Variants in KRT17 observed in about 807,000 individuals in gnomAD.
KRT17 encodes keratin 17.
A neutral mutation model predicts 45.6 loss-of-function variants in KRT17; 29 were observed. The observed-to-expected ratio is 0.64, with a 90% CI of 0.47 to 0.87. The LOEUF is 0.87. Ranked by LOEUF, KRT17 falls within the 40% of genes least tolerant of loss-of-function variation. KRT17 has a pLI of 0.00. For missense variants in KRT17, 536 were observed against 577.8 expected (o/e 0.93, Z 0.74); for synonymous variants, 219 against 234.6 (o/e 0.93, Z 0.61).
intron 7 of KRT17, 31 bp downstream of exon 7, chr17:41,620,504 AC>A: frequency 6.2e-7 from 1 of 1,610,290 alleles, no homozygotes; most frequent in East Asian, 2.2e-5. Context: ...CATGCACCCA[AC>A]CCCCAGGGCC....
In KRT17 at chr17:41,619,635, C is replaced by T. The variant is rs1908469681; in HGVS notation, c.1258G>A (p.Val420Ile). 1.9e-6 allele frequency: 3 copies of T among 1,612,208 alleles called. No homozygotes were observed. Among genetic ancestry groups the T allele is most frequent in the Non-Finnish European group, 2.5e-6 (3 of 1,180,010 alleles). ...TGGACCTGCTCGCGGGAGGAGATGA[C>T]CTTGCCATCCTGGACCTCTTCCACA... ...TIVEEVQDGK[V>I]ISSREQVHQT... The change falls in exon 8 of 8, where the codon GTC (valine) becomes ATC (isoleucine). Residue 420 changes from valine to isoleucine, a missense_variant. By Grantham distance (29) the Val-to-Ile change is conservative. Transcript: ENST00000311208.
Position 41,620,976 on chromosome 17 carries a change from T to C in KRT17, c.950A>G (p.Gln317Arg). 6.2e-7 allele frequency: 1 copy of C among 1,614,184 alleles called. No individual in the cohort carries two copies. The highest frequency in any genetic ancestry group is 2.2e-5 in the East Asian group (1 of 44,870). Residue 317 changes from glutamine (Q) to arginine (R), a missense_variant, in exon 5 of 8, where the codon CAG becomes CGG. Coordinates refer to ENST00000311208, the MANE Select transcript of KRT17 (RefSeq NM_000422.3). The part of the protein sequence containing the change: ...MQALEIELQS[Q>R]LSMKASLEGN... ...CAGGACTGTTCCTACCATGCTGAGCTGGGACTGCAGCTCTATCTCCAAGGC... is the reference window on the plus strand; with the variant it reads ...CAGGACTGTTCCTACCATGCTGAGCCGGGACTGCAGCTCTATCTCCAAGGC...
rs1340008611 is a variant in KRT17, at chr17:41,623,024, T to C, written c.441A>G (p.Thr147=). 1 of 1,613,018 alleles carries C rather than the reference T, an allele frequency of 6.2e-7. No individual in the cohort carries two copies. Among genetic ancestry groups the C allele is most frequent in the Non-Finnish European group, 8.5e-7 (1 of 1,179,402 alleles). ...TIEELQNKIL[T]ATVDNANILL... ...GGATGTTGGCATTGTCCACGGTGGC[T>C]GTGAGGATCTGAGGAGAAGGGAGAG... The change falls in exon 2 of 8, where the codon ACA becomes ACG. Residue 147 remains threonine (T), a synonymous_variant. Coordinates refer to ENST00000311208, the MANE Select transcript of KRT17 (RefSeq NM_000422.3).
intron 3 of KRT17, chr17:41,622,046 G>T: frequency 5.0e-6 from 3 of 595,400 alleles, no homozygotes; most frequent in Admixed American, 3.0e-5. Flanking sequence ...GTTCAGCTTT[G>T]AGAGTTTGAA....
intron 1 of KRT17, among the ~76,000 whole-genome samples, chr17:41,623,574 C>G (rs1226179425): frequency 6.6e-6 from 1 of 152,170 alleles, no homozygotes; most frequent in Non-Finnish European, 1.5e-5. Flanking sequence ...AAAGGAGAAG[C>G]CAGAAAAATC....
At position 41,621,100 on chromosome 17, in the gene KRT17, A is replaced by C. The variant is rs1438011571; in HGVS notation, c.835-9T>G. 18 of 1,613,724 alleles carry C rather than the reference A, an allele frequency of 1.1e-5. No individual in the cohort carries two copies. Among genetic ancestry groups the C allele is most frequent in the Non-Finnish European group, 1.5e-5 (18 of 1,179,874 alleles). ...CGGTTCAGTTCCTCTGTCTGCAGAC[A>C]GGACACAGGACAGGGCGGTGTGAGC... On this transcript the variant is annotated splice_polypyrimidine_tract_variant and intron_variant, in intron 4 of 7. Transcript: ENST00000311208.
At chr17:41,623,930 C>T (rs1908633231) in intron 1 of KRT17, 148 bp downstream of exon 1, 7 of 1,193,058 alleles carry the variant, frequency 5.9e-6, no homozygotes, top group Non-Finnish European at 8.6e-6. Flanking sequence ...CACAGGGGCC[C>T]CAAGGCAGGT....
At position 41,619,576 on chromosome 17, in the gene KRT17, G is replaced by T; in HGVS notation, c.*18C>A. ...TGCCTCCCTGCCTCCTGGGTGGCCG[G>T]CCGGGGTAGCTGAGTCCTCAGCGGG... is the stretch of plus-strand genomic sequence containing the variant. On this transcript the variant is annotated 3_prime_UTR_variant, in exon 8 of 8. Transcript: ENST00000311208. The T allele has an allele frequency of 6.2e-7, 1 of 1,611,984 alleles. No individual in the cohort carries two copies. The highest frequency in any genetic ancestry group is 8.5e-7 in the Non-Finnish European group (1 of 1,179,912).
Position 41,619,491 on chromosome 17 carries a change from G to T in KRT17, c.*103C>A. 6.3e-7 allele frequency: 1 copy of T among 1,598,060 alleles called. No individual in the cohort carries two copies. Among genetic ancestry groups the T allele is most frequent in the Non-Finnish European group, 8.5e-7 (1 of 1,169,862 alleles). ...TCATCAGGCAAGGAAGCATGGGGAA[G>T]GGACTGAAGCAGGGGGCTGAGGCTG... is the stretch of plus-strand genomic sequence containing the variant. On this transcript the variant is annotated 3_prime_UTR_variant, in exon 8 of 8. Coordinates refer to ENST00000311208, the MANE Select transcript of KRT17 (RefSeq NM_000422.3).
At chr17:41,622,277 G>T in intron 3 of KRT17, 78 bp downstream of exon 3, 2 of 1,575,946 alleles carry the variant, frequency 1.3e-6, no homozygotes, top group Non-Finnish European at 1.7e-6. Flanking sequence ...TCTCTCCCAC[G>T]GCCTCAGCCA....
rs1034803890 is a variant in KRT17 at position 41,619,516 on chromosome 17, G to A, written c.*78C>T. On this transcript the variant is annotated 3_prime_UTR_variant, in exon 8 of 8. Coordinates refer to ENST00000311208, the MANE Select transcript of KRT17 (RefSeq NM_000422.3). ...GGGACTGAAGCAGGGGGCTGAGGCT[G>A]GAGAGGCCGGAGACTGTGGGGCAGA... The A allele has an allele frequency of 1.6e-5, 26 of 1,610,220 alleles. No individual in the cohort carries two copies. The highest frequency in any genetic ancestry group is 3.3e-5 in the Admixed American group (2 of 59,942).
rs574012174 is a variant in KRT17 at position 41,622,276 on chromosome 17, C to T, written c.672+79G>A. 2.8e-5 allele frequency: 44 copies of T among 1,572,276 alleles called. No homozygotes were observed. In the Admixed American group the frequency reaches 3.7e-4, roughly 13 times the overall value. On this transcript the variant is annotated intron_variant, in intron 3 of 7. Transcript: ENST00000311208. ...GGTGCACCTGCTCTGCTCTCTCCCA[C>T]GGCCTCAGCCATTGCCCAGCCCCAG...
At chr17:41,622,879 G>A (rs1908590966) in intron 2 of KRT17, 71 bp downstream of exon 2, 1 of 1,332,398 alleles carries the variant, frequency 7.5e-7, no homozygotes, top group Admixed American at 1.7e-5. Context: ...AGGAATCCTG[G>A]GGTCAGGAGG....
chr17:41,622,286 C>T, intron 3 of KRT17, 69 bp downstream of exon 3: 1 of 1,597,734 alleles, frequency 6.3e-7, no homozygotes, highest in East Asian at 2.2e-5. Flanking sequence ...CGGCCTCAGC[C>T]ATTGCCCAGC....
At position 41,619,620 on chromosome 17, in the gene KRT17, C is replaced by T. The variant is rs1420781470; in HGVS notation, c.1273G>A (p.Glu425Lys). ...VQDGKVISSR[E>K]QVHQTTR ...CAGCGGGTGGTCTGGTGGACCTGCTCGCGGGAGGAGATGACCTTGCCATCC... is the reference window on the plus strand; with the variant it reads ...CAGCGGGTGGTCTGGTGGACCTGCTTGCGGGAGGAGATGACCTTGCCATCC... Residue 425 changes from glutamate (E) to lysine (K), a missense_variant, in exon 8 of 8, where the codon GAG becomes AAG. Transcript: ENST00000311208. 2.5e-6 allele frequency: 4 copies of T among 1,612,032 alleles called. No homozygotes were observed. Among genetic ancestry groups the T allele is most frequent in the African/African-American group, 2.7e-5 (2 of 74,838 alleles).
chr17:41,620,122 A>C, intron 7 of KRT17: 1 of 985,204 alleles, frequency 1.0e-6, no homozygotes, highest in Non-Finnish European at 1.2e-6. Flanking sequence ...TATATTCTCC[A>C]TCAGATTGGA....
chr17:41,620,983 G>A lies in KRT17; in HGVS notation c.943C>T (p.Gln315Ter), dbSNP rs756819379. Residue 315 changes from glutamine to a stop codon, truncating the protein, a stop_gained, in exon 5 of 8, where the codon CAG becomes TAG. Coordinates refer to ENST00000311208, the MANE Select transcript of KRT17 (RefSeq NM_000422.3). LOFTEE classifies it high-confidence loss of function. ...GTTCCTACCATGCTGAGCTGGGACT[G>A]CAGCTCTATCTCCAAGGCCTGCATG... is the stretch of plus-strand genomic sequence containing the variant. The part of the protein sequence containing the change: ...RTMQALEIEL[Q>*]SQLSMKASLE... 1 of 1,614,210 alleles carries A rather than the reference G, an allele frequency of 6.2e-7. No homozygotes were observed. Among genetic ancestry groups the A allele is most frequent in the Non-Finnish European group, 8.5e-7 (1 of 1,180,036 alleles).
At chr17:41,621,533 G>A in intron 4 of KRT17, 60 bp downstream of exon 4, 3 of 1,605,462 alleles carry the variant, frequency 1.9e-6, no homozygotes, top group African/African-American at 1.3e-5. Flanking sequence ...CTTACTGTCA[G>A]TGCTAAGGCC....
intron 3 of KRT17, chr17:41,622,134 T>C (rs1442986741): frequency 1.4e-5 from 9 of 649,716 alleles, no homozygotes; most frequent in Middle Eastern, 4.3e-4. Flanking sequence ...TGCAGGCCCC[T>C]GGGAGGTTCC....
Sources: gnomAD v4.1 joint callset for allele counts (sites outside exome capture counted in the v4.1 genomes callset) on GRCh38, gnomAD v4.1.1 for gene constraint, MANE v1.5 for transcripts, NCBI Gene and HGNC (gene_info 2026-07-23, HGNC 2026-07-21) for gene names.